The following ZHX2 variants were observed in gnomAD, a reference collection of about 807,000 sequenced individuals.
ZHX2 encodes the protein zinc fingers and homeoboxes 2, also known as zinc fingers and homeoboxes protein 2.
ZHX2 carries 6 observed loss-of-function variants against 21.9 expected under a neutral mutation model. That is an observed-to-expected ratio of 0.27 (90% CI 0.15 to 0.54). The LOEUF is 0.54. Ranked by LOEUF, ZHX2 falls within the 20% of genes least tolerant of loss-of-function variation. The probability of loss-of-function intolerance (pLI) is 0.95; values close to 1 mark genes in which losing one functional copy is unlikely to be tolerated. For missense variants in ZHX2, 908 were observed against 1,090.7 expected (o/e 0.83, Z 2.36); for synonymous variants, 434 against 437.1 (o/e 0.99, Z 0.09).
intron 1 of ZHX2, among the ~76,000 whole-genome samples, chr8:122,799,259 C>T (rs1039234604): frequency 1.1e-4 from 17 of 152,182 alleles, no homozygotes; most frequent in African/African-American, 3.9e-4. Flanking sequence ...CACGCAGCTG[C>T]AAGGTTTGAG....
In ZHX2 at chr8:122,960,211, A is replaced by C. The variant is rs1586427302; in HGVS notation, c.*4+6183A>C. Among the ~76,000 whole-genome samples the C allele has an allele frequency of 2.6e-5, 4 of 152,262 alleles. 1 individual carries two copies. In the East Asian group the frequency reaches 7.7e-4, roughly 29 times the overall value. ...TAGAATATGGGAATTTGAGGGTTTA[A>C]ATAGCAGATTTAAGGTTTAGGGGAC... On this transcript the variant is annotated intron_variant, in intron 3 of 3. Coordinates refer to ENST00000314393, the MANE Select transcript of ZHX2 (RefSeq NM_014943.5).
chr8:122,921,380 G>A (rs560927056), intron 2 of ZHX2, among the ~76,000 whole-genome samples: 4 of 151,678 alleles, frequency 2.6e-5, no homozygotes, highest in African/African-American at 7.2e-5. Context: ...TACCGTGCCC[G>A]GCTTGAAGGA....
intron 1 of ZHX2, among the ~76,000 whole-genome samples, chr8:122,791,405 C>T (rs1281350069): frequency 6.6e-6 from 1 of 152,190 alleles, no homozygotes; most frequent in Non-Finnish European, 1.5e-5. Flanking sequence ...GGGAGCCCTG[C>T]CTGGGCACGG....
rs1388497464 is a variant in ZHX2 at position 122,951,621 on chromosome 8, A to C, written c.111A>C (p.Thr37=). ...VDRAKEKGIG[T]PQPDVAKDSW... ...GGGCCAAAGAGAAAGGAATCGGCAC[A>C]CCACAGCCTGACGTGGCCAAGGACA... Residue 37 remains threonine (T), a synonymous_variant, in exon 3 of 4, where the codon ACA becomes ACC. Coordinates refer to ENST00000314393, the MANE Select transcript of ZHX2 (RefSeq NM_014943.5). 1.9e-6 allele frequency: 3 copies of C among 1,613,952 alleles called. No individual in the cohort carries two copies. Among genetic ancestry groups the C allele is most frequent in the Non-Finnish European group, 2.5e-6 (3 of 1,180,008 alleles).
At chr8:122,907,662 G>T (rs1013869908) in intron 2 of ZHX2, among the ~76,000 whole-genome samples, 4 of 152,214 alleles carry the variant, frequency 2.6e-5, no homozygotes, top group African/African-American at 9.6e-5. Flanking sequence ...CATGAAGTCA[G>T]TGCTGCCCTA....
chr8:122,929,413 C>T (rs1464225371), intron 2 of ZHX2, among the ~76,000 whole-genome samples: 3 of 152,116 alleles, frequency 2.0e-5, no homozygotes, highest in Admixed American at 6.5e-5. Flanking sequence ...GAGGCCAAGG[C>T]GGGCAGATCA....
intron 1 of ZHX2, among the ~76,000 whole-genome samples, chr8:122,838,745 T>G (rs984797539): frequency 4.6e-5 from 7 of 151,852 alleles, no homozygotes; most frequent in Admixed American, 3.9e-4. Context: ...ACCCAGCTAA[T>G]TTTTGTATTT....
chr8:122,906,834 G>C (rs3114993), intron 2 of ZHX2, among the ~76,000 whole-genome samples: 152,070 of 152,072 alleles, frequency 1, 76,034 homozygotes, highest in Non-Finnish European at 1. Context: ...CCACGCCCGG[G>C]TAATTTTTGT....
chr8:122,841,937 C>CT (rs1818639166), intron 1 of ZHX2, among the ~76,000 whole-genome samples: 1 of 152,146 alleles, frequency 6.6e-6, no homozygotes, highest in African/African-American at 2.4e-5. Flanking sequence ...GATATGAAGA[C>CT]TCCAAGTCCT....
chr8:122,925,193 C>T (rs995610359), intron 2 of ZHX2, among the ~76,000 whole-genome samples: 5 of 152,234 alleles, frequency 3.3e-5, no homozygotes, highest in African/African-American at 1.2e-4. Flanking sequence ...ACTTGTTACA[C>T]AGTTGTGGCA....
intron 2 of ZHX2, among the ~76,000 whole-genome samples, chr8:122,932,785 A>C (rs922312288): frequency 9.2e-5 from 14 of 152,290 alleles, no homozygotes; most frequent in Middle Eastern, 6.8e-3. Context: ...CGTACAAAGT[A>C]AGATTCCCAG....
chr8:122,827,341 G>GT (rs1240378727), intron 1 of ZHX2, among the ~76,000 whole-genome samples: 13 of 152,172 alleles, frequency 8.5e-5, no homozygotes, highest in African/African-American at 3.1e-4. Flanking sequence ...CCCAGCCTAC[G>GT]TAAGCTTTTT....
At chr8:122,917,791 A>G (rs1820641214) in intron 2 of ZHX2, among the ~76,000 whole-genome samples, 1 of 152,176 alleles carries the variant, frequency 6.6e-6, no homozygotes, top group Non-Finnish European at 1.5e-5. Context: ...GTGCCGTGAC[A>G]TGTCTGGATC....
At chr8:122,833,782 G>T (rs979858971) in intron 1 of ZHX2, among the ~76,000 whole-genome samples, 2 of 152,124 alleles carry the variant, frequency 1.3e-5, no homozygotes, top group Non-Finnish European at 2.9e-5. Context: ...GGATCACGAG[G>T]TCAGGAGATC....
chr8:122,920,205 C>T (rs143093560), intron 2 of ZHX2, among the ~76,000 whole-genome samples: 2,163 of 152,010 alleles, frequency 0.014, 49 homozygotes, highest in Admixed American at 0.057. Flanking sequence ...ACCTGGGAGG[C>T]GGAGGTTGCA....
rs375028357 is a variant in ZHX2 at position 122,951,634 on chromosome 8, G to T, written c.124G>T (p.Val42Leu). The T allele has an allele frequency of 6.2e-7, 1 of 1,613,914 alleles. No individual in the cohort carries two copies. The highest frequency in any genetic ancestry group is 1.7e-5 in the Admixed American group (1 of 59,964). ...AGGAATCGGCACACCACAGCCTGAC[G>T]TGGCCAAGGACAGTTGGGCAGCAGA... ...EKGIGTPQPDVAKDSWAAELE... is the reference protein window; with the variant it reads ...EKGIGTPQPDLAKDSWAAELE... Residue 42 changes from valine to leucine, a missense_variant, in exon 3 of 4, where the codon GTG becomes TTG. Physicochemically the swap from Val to Leu is conservative, Grantham distance 32. Coordinates refer to ENST00000314393, the MANE Select transcript of ZHX2 (RefSeq NM_014943.5).
At chr8:122,812,404 T>C (rs999352256) in intron 1 of ZHX2, among the ~76,000 whole-genome samples, 9 of 152,198 alleles carry the variant, frequency 5.9e-5, no homozygotes, top group African/African-American at 2.2e-4. Context: ...TGAGATACAT[T>C]GCCAAAAGCC....
intron 2 of ZHX2, among the ~76,000 whole-genome samples, chr8:122,870,403 G>A (rs1819401910): frequency 6.6e-6 from 1 of 151,956 alleles, no homozygotes; most frequent in Non-Finnish European, 1.5e-5. Flanking sequence ...GCCAAGGGGG[G>A]TGGATCATCT....
intron 2 of ZHX2, among the ~76,000 whole-genome samples, chr8:122,910,667 C>G (rs895137549): frequency 1.3e-5 from 2 of 152,090 alleles, no homozygotes; most frequent in African/African-American, 2.4e-5. Context: ...TGGGGCAGTA[C>G]GGACCAACCC....
Sources: gnomAD v4.1 joint callset for allele counts (sites outside exome capture counted in the v4.1 genomes callset) on GRCh38, gnomAD v4.1.1 for gene constraint, MANE v1.5 for transcripts, NCBI Gene and HGNC (gene_info 2026-07-23, HGNC 2026-07-21) for gene names.